Variants in TMEM179 observed in about 807,000 individuals in gnomAD.
TMEM179 encodes transmembrane protein 179.
In TMEM179, 17 loss-of-function variants were observed where a neutral mutation model predicts 22.2. The observed-to-expected ratio is 0.77, with a 90% CI of 0.52 to 1.15. The LOEUF is 1.15. Among genes scored for constraint, TMEM179 ranks in the 50% most tolerant of loss-of-function variants. The probability of loss-of-function intolerance (pLI) is 0.00; values close to 1 mark genes in which losing one functional copy is unlikely to be tolerated. For synonymous variants in TMEM179, 127 were observed against 140.5 expected (o/e 0.90, Z 0.68); for missense variants, 265 against 313.6 (o/e 0.84, Z 1.17).
chr14:104,602,529 C>T (rs1346452159), intron 1 of TMEM179, among the ~76,000 whole-genome samples: 3 of 152,228 alleles, frequency 2.0e-5, no homozygotes, highest in Non-Finnish European at 4.4e-5. Flanking sequence ...ACTCCCTCTT[C>T]ACACCTGTCT....
intron 3 of TMEM179, chr14:104,594,579 T>A: frequency 3.3e-6 from 4 of 1,230,364 alleles, no homozygotes; most frequent in Non-Finnish European, 4.1e-6. Context: ...CCCACATGCC[T>A]GCATTTCAGC....
At chr14:104,594,436 G>T (rs1886949574) in intron 3 of TMEM179, 1 of 1,231,646 alleles carries the variant, frequency 8.1e-7, no homozygotes, top group South Asian at 4.1e-5. Flanking sequence ...CAGGAGCCAG[G>T]TGTCTGGTCT....
intron 1 of TMEM179, among the ~76,000 whole-genome samples, chr14:104,601,786 C>T (rs1018168806): frequency 2.6e-5 from 4 of 152,132 alleles, no homozygotes; most frequent in African/African-American, 9.7e-5. Context: ...CGCCACAGGC[C>T]CCTTCCTGAC....
Position 104,593,446 on chromosome 14 carries a change from G to A in TMEM179, c.*33C>T, listed in dbSNP as rs577285495. ...CCCGTGCCCCCGAGCGCAGCAGGGAGGTCGGGGCCAGCTCCCCCTGCCTGC... is the reference window on the plus strand; with the variant it reads ...CCCGTGCCCCCGAGCGCAGCAGGGAAGTCGGGGCCAGCTCCCCCTGCCTGC... On this transcript the variant is annotated 3_prime_UTR_variant, in exon 4 of 4. Coordinates refer to ENST00000556573, the MANE Select transcript of TMEM179 (RefSeq NM_001286389.2). 6.3e-4 allele frequency: 970 copies of A among 1,535,886 alleles called. 11 individuals are homozygous for A. The African/African-American group carries it at 0.012, about 19-fold the overall frequency.
chr14:104,599,618 G>A (rs375637982), intron 1 of TMEM179, among the ~76,000 whole-genome samples: 4 of 152,314 alleles, frequency 2.6e-5, no homozygotes, highest in South Asian at 2.1e-4. Flanking sequence ...GTCACAGAGC[G>A]GAACGCAGTA....
rs1270031190 is a variant in TMEM179, at chr14:104,591,101, C to T, written c.*2378G>A. Reference sequence around the variant, plus strand: ...CAGCCCCTGCCCAGCACACTGCAGGCCCAGCTGCCCCTTCCCAGGGCGATG... The same window carrying T: ...CAGCCCCTGCCCAGCACACTGCAGGTCCAGCTGCCCCTTCCCAGGGCGATG... On this transcript the variant is annotated 3_prime_UTR_variant, in exon 4 of 4. Transcript: ENST00000556573. 1 of 317,480 alleles carries T rather than the reference C, an allele frequency of 3.1e-6. No individual in the cohort carries two copies. Among genetic ancestry groups the T allele is most frequent in the Non-Finnish European group, 6.2e-6 (1 of 162,426 alleles). 19.7% of individuals were successfully genotyped at this position (317,480 alleles called of 1,614,324 possible).
At position 104,604,498 on chromosome 14, in the gene TMEM179, G is replaced by A. The variant is rs758170936; in HGVS notation, c.244C>T (p.Leu82=). The A allele has an allele frequency of 2.5e-6, 4 of 1,576,872 alleles. No homozygotes were observed. The Admixed American group carries it at 5.4e-5, about 21-fold the overall frequency. ...RFSLLASLLS[L]LLAAAHAWRT... is the part of the protein sequence containing the mutation. The stretch of plus-strand genomic sequence containing the variant: ...CAGGCGTGCGCGGCGGCCAGCAGCA[G>A]AGACAGGAGGCTGGCGAGCAGGCTG... Residue 82 remains leucine (L), a synonymous_variant, in exon 1 of 4, where the codon CTG becomes TTG. Transcript: ENST00000556573. This position sits in a 1 kb window ranked among gnomAD's most constrained non-coding sequence, Gnocchi z 4.6.
At position 104,604,004 on chromosome 14, in the gene TMEM179, G is replaced by A. The variant is rs1050765710; in HGVS notation, c.305+433C>T. Reference sequence around the variant, plus strand: ...GTCCCTTTCCCGGGGCGATGGTGCCGGGTGGGGCTCCCCAGTTCGCCTTGT... The same window carrying A: ...GTCCCTTTCCCGGGGCGATGGTGCCAGGTGGGGCTCCCCAGTTCGCCTTGT... On this transcript the variant is annotated intron_variant, in intron 1 of 3. Coordinates refer to ENST00000556573, the MANE Select transcript of TMEM179 (RefSeq NM_001286389.2). This position sits in a 1 kb window ranked among gnomAD's most constrained non-coding sequence, Gnocchi z 4.6. Among the ~76,000 whole-genome samples, 6 of 152,206 alleles carry A rather than the reference G, an allele frequency of 3.9e-5. No individual in the cohort carries two copies. Among genetic ancestry groups the A allele is most frequent in the African/African-American group, 7.2e-5 (3 of 41,464 alleles).
chr14:104,598,569 C>T (rs188787430), intron 1 of TMEM179, among the ~76,000 whole-genome samples: 3 of 152,376 alleles, frequency 2.0e-5, no homozygotes, highest in Admixed American at 1.3e-4. Flanking sequence ...CACCTGCTCG[C>T]CCTGTGCTGG....
chr14:104,596,338 C>T (rs2140484912), intron 2 of TMEM179, among the ~76,000 whole-genome samples: 1 of 152,316 alleles, frequency 6.6e-6, no homozygotes, highest in East Asian at 1.9e-4. Flanking sequence ...GGCAGGCAGT[C>T]ACTGTGCTCC....
At chr14:104,594,609 G>A in intron 3 of TMEM179, 1 of 1,228,826 alleles carries the variant, frequency 8.1e-7, no homozygotes, top group Non-Finnish European at 1.0e-6. Flanking sequence ...CCCTCAGAGT[G>A]GGGGCCACCA....
At position 104,596,917 on chromosome 14, in the gene TMEM179, C is replaced by A. The variant is rs925361371; in HGVS notation, c.443+73G>T. On this transcript the variant is annotated intron_variant, in intron 2 of 3. Transcript: ENST00000556573. The stretch of plus-strand genomic sequence containing the variant: ...GATGGGCTTCGTGAGGGAAGATCAC[C>A]CACAGCAGGGCAGGGTGTCAAGGGA... 8 of 1,552,914 alleles carry A rather than the reference C, an allele frequency of 5.2e-6. No individual in the cohort carries two copies. The African/African-American group carries it at 1.1e-4, about 21-fold the overall frequency.
Position 104,593,356 on chromosome 14 carries a change from GAC to G in TMEM179, c.*121_*122del, listed in dbSNP as rs1886904059. Reference sequence around the variant, plus strand: ...ACCTCACTACACGTGGCGTCGAGGGGACACACGCAGGGCTGCATGTGGCCAGG... The same window carrying G: ...ACCTCACTACACGTGGCGTCGAGGGGACACGCAGGGCTGCATGTGGCCAGG... On this transcript the variant is annotated 3_prime_UTR_variant, in exon 4 of 4. Coordinates refer to ENST00000556573, the MANE Select transcript of TMEM179 (RefSeq NM_001286389.2). 3.3e-6 allele frequency: 4 copies of G among 1,228,158 alleles called. No individual in the cohort carries two copies. Among genetic ancestry groups the G allele is most frequent in the Non-Finnish European group, 4.5e-6 (4 of 880,898 alleles). 76.1% of individuals were successfully genotyped at this position (1,228,158 alleles called of 1,614,324 possible).
In TMEM179 at chr14:104,592,814, G is replaced by A. The variant is rs1347454562; in HGVS notation, c.*665C>T. The stretch of plus-strand genomic sequence containing the variant: ...AAATCCCCAACCAGATGATGCCCCC[G>A]ATTCTGTGGAGCCCAGATTACCACT... On this transcript the variant is annotated 3_prime_UTR_variant, in exon 4 of 4. Coordinates refer to ENST00000556573, the MANE Select transcript of TMEM179 (RefSeq NM_001286389.2). 4.6e-5 allele frequency among the ~76,000 whole-genome samples: 7 copies of A among 152,098 alleles called. No homozygotes were observed. Among genetic ancestry groups the A allele is most frequent in the African/African-American group, 7.2e-5 (3 of 41,404 alleles).
In TMEM179 at chr14:104,597,818, C is replaced by T. The variant is rs1385998826; in HGVS notation, c.306-691G>A. 6.6e-6 allele frequency among the ~76,000 whole-genome samples: 1 copy of T among 152,206 alleles called. No homozygotes were observed. Among genetic ancestry groups the T allele is most frequent in the East Asian group, 1.9e-4 (1 of 5,194 alleles). On this transcript the variant is annotated intron_variant, in intron 1 of 3. Coordinates refer to ENST00000556573, the MANE Select transcript of TMEM179 (RefSeq NM_001286389.2). This position sits in a 1 kb window ranked among gnomAD's most constrained non-coding sequence, Gnocchi z 4.8. ...TCCATTCACCCGCAGGTCATCAGCGCGTGGCCTGGACCCCTGGTAGGACTT... is the reference window on the plus strand; with the variant it reads ...TCCATTCACCCGCAGGTCATCAGCGTGTGGCCTGGACCCCTGGTAGGACTT...
chr14:104,600,178 G>C (rs530131510), intron 1 of TMEM179, among the ~76,000 whole-genome samples: 2 of 152,228 alleles, frequency 1.3e-5, no homozygotes, highest in Non-Finnish European at 2.9e-5. Context: ...AGAATTGGAT[G>C]TGTCCAGAGC....
chr14:104,594,836 C>A, intron 3 of TMEM179: 1 of 1,295,232 alleles, frequency 7.7e-7, no homozygotes, highest in Non-Finnish European at 9.8e-7. Flanking sequence ...TACACTGGAC[C>A]CCCAGGATCT....
At position 104,592,180 on chromosome 14, in the gene TMEM179, C is replaced by G. The variant is rs1227551588; in HGVS notation, c.*1299G>C. 1 of 154,678 alleles carries G rather than the reference C, an allele frequency of 6.5e-6. No individual in the cohort carries two copies. Among genetic ancestry groups the G allele is most frequent in the Non-Finnish European group, 1.4e-5 (1 of 69,594 alleles). The allele number at this position is 154,678 out of a possible 1,614,324, so 9.6% of individuals were successfully genotyped here. A position where few individuals can be genotyped will look rare whatever the true frequency, so the allele number is the denominator to read the frequency against. ...GCTCACACGCACAGGCGTGCACATG[C>G]TCACATGCAACACACGCACATTCAC... On this transcript the variant is annotated 3_prime_UTR_variant, in exon 4 of 4. Transcript: ENST00000556573.
chr14:104,601,478 G>A (rs1465834398), intron 1 of TMEM179, among the ~76,000 whole-genome samples: 1 of 152,172 alleles, frequency 6.6e-6, no homozygotes, highest in Non-Finnish European at 1.5e-5. Context: ...CCTGGGGGGG[G>A]ACCCATGGCC....
Sources: allele counts gnomAD v4.1 joint callset (sites outside exome capture counted in the v4.1 genomes callset), GRCh38; gene constraint gnomAD v4.1.1; non-coding constraint Gnocchi (gnomAD v3.1); transcripts MANE v1.5; gene names NCBI Gene and HGNC (gene_info 2026-07-23, HGNC 2026-07-21).